EEF1AKMT2: variants seen among roughly 807,000 people sequenced by gnomAD.
The protein encoded by EEF1AKMT2 is eukaryotic translation elongation factor 1 alpha lysine methyltransferase 2.
Under a neutral mutation model 35.8 loss-of-function variants are expected in EEF1AKMT2, and 32 were observed. That is an observed-to-expected ratio of 0.89 (90% CI 0.67 to 1.20). The LOEUF is 1.20. Among genes scored for constraint, EEF1AKMT2 ranks in the 50% most tolerant of loss-of-function variants. The pLI is 0.00. For missense variants in EEF1AKMT2, 330 were observed against 347.5 expected (o/e 0.95, Z 0.40); for synonymous variants, 121 against 133.7 (o/e 0.91, Z 0.65).
chr10:124,762,199 T>C, intron 6 of EEF1AKMT2, 101 bp downstream of exon 6: 1 of 885,042 alleles, frequency 1.1e-6, no homozygotes, highest in Non-Finnish European at 1.4e-6. Flanking sequence ...TGTGATTTTG[T>C]AAAGATCCAA....
intron 3 of EEF1AKMT2, among the ~76,000 whole-genome samples, chr10:124,788,725 T>TAC (rs1186575417): frequency 1.4e-5 from 2 of 143,550 alleles, no homozygotes; most frequent in African/African-American, 5.0e-5. Flanking sequence ...TATATATATA[T>TAC]ATATGCATTT....
At position 124,759,291 on chromosome 10, in the gene EEF1AKMT2, T is replaced by G. The variant is rs994946727; in HGVS notation, c.*1212A>C. 1.3e-5 allele frequency: 2 copies of G among 152,214 alleles called. No homozygotes were observed. Among genetic ancestry groups the G allele is most frequent in the Non-Finnish European group, 2.9e-5 (2 of 68,044 alleles). 9.4% of individuals were successfully genotyped at this position (152,214 alleles called of 1,614,324 possible). ...TCTTTGTGCATGTATCGCTGAGGGC[T>G]TATATAACTTACACTACCCTTTCAC... is the stretch of plus-strand genomic sequence containing the variant. On this transcript the variant is annotated 3_prime_UTR_variant, in exon 7 of 7. Transcript: ENST00000368836.
chr10:124,791,887 C>A lies in EEF1AKMT2; in HGVS notation c.-54G>T. On this transcript the variant is annotated 5_prime_UTR_variant, in exon 1 of 7. Coordinates refer to ENST00000368836, the MANE Select transcript of EEF1AKMT2 (RefSeq NM_212554.4). ...GGCCGCCATAGAGACGGGGCACAGGCAGAGCGGACGAGCGGACCGGCGCCT... is the reference window on the plus strand; with the variant it reads ...GGCCGCCATAGAGACGGGGCACAGGAAGAGCGGACGAGCGGACCGGCGCCT... The A allele has an allele frequency of 6.6e-7, 1 of 1,510,758 alleles. No individual in the cohort carries two copies. Among genetic ancestry groups the A allele is most frequent in the South Asian group, 1.2e-5 (1 of 81,074 alleles). 93.6% of individuals were successfully genotyped at this position (1,510,758 alleles called of 1,614,324 possible). A position where few individuals can be genotyped will look rare whatever the true frequency, so the allele number is the denominator to read the frequency against.
intron 4 of EEF1AKMT2, 26 bp downstream of exon 4, chr10:124,774,649 A>G (rs972406090): frequency 1.7e-6 from 2 of 1,172,644 alleles, no homozygotes. Context: ...TATTGTAAAT[A>G]TTATAGTAAT....
intron 3 of EEF1AKMT2, among the ~76,000 whole-genome samples, chr10:124,781,506 C>T (rs1271595596): frequency 6.6e-6 from 1 of 150,770 alleles, no homozygotes; most frequent in Non-Finnish European, 1.5e-5. Flanking sequence ...TCGCTTGAAC[C>T]CAGGAGGCGA....
At chr10:124,785,895 C>CAAAAAAAAAAA (rs34637624) in intron 3 of EEF1AKMT2, among the ~76,000 whole-genome samples, 3 of 59,464 alleles carry the variant, frequency 5.0e-5, no homozygotes, top group Non-Finnish European at 8.8e-5. Flanking sequence ...GACTCTGTCT[C>CAAAAAAAAAAA]AAAAAAAAAA....
At chr10:124,770,545 T>G (rs4962402) in intron 4 of EEF1AKMT2, among the ~76,000 whole-genome samples, 112,368 of 152,120 alleles carry the variant, frequency 0.74, 41,690 homozygotes, top group South Asian at 0.85. Flanking sequence ...GATCAAGGTA[T>G]TGGTTGCTGA....
intron 4 of EEF1AKMT2, among the ~76,000 whole-genome samples, chr10:124,769,766 G>GT (rs1950412501): frequency 1.3e-5 from 2 of 148,898 alleles, no homozygotes; most frequent in South Asian, 4.3e-4. Flanking sequence ...GACCAACATA[G>GT]TGAAACCCCA....
chr10:124,788,737 T>C (rs1392919076), intron 3 of EEF1AKMT2, among the ~76,000 whole-genome samples: 1 of 147,064 alleles, frequency 6.8e-6, no homozygotes, highest in African/African-American at 2.5e-5. Flanking sequence ...TATGCATTTC[T>C]AGAGTTTTGA....
chr10:124,773,984 A>G (rs1950462700), intron 4 of EEF1AKMT2, among the ~76,000 whole-genome samples: 1 of 152,202 alleles, frequency 6.6e-6, no homozygotes, highest in South Asian at 2.1e-4. Context: ...CTAGAAATGT[A>G]AATTTAGGAA....
At chr10:124,784,476 C>T (rs1261998545) in intron 3 of EEF1AKMT2, among the ~76,000 whole-genome samples, 1 of 151,906 alleles carries the variant, frequency 6.6e-6, no homozygotes, top group Non-Finnish European at 1.5e-5. Flanking sequence ...TTGTGGGATG[C>T]AGCAGTGCTT....
intron 3 of EEF1AKMT2, among the ~76,000 whole-genome samples, chr10:124,784,061 T>C (rs1425466906): frequency 1.3e-5 from 2 of 152,244 alleles, no homozygotes; most frequent in East Asian, 3.9e-4. Context: ...TGACCTCAGG[T>C]GATCTGCCCA....
intron 3 of EEF1AKMT2, 23 bp from the exon 4 acceptor site, chr10:124,774,805 TTTAGTATA>T: frequency 1.8e-6 from 2 of 1,142,546 alleles, no homozygotes; most frequent in Non-Finnish European, 2.4e-6. Flanking sequence ...AATTTTATAC[TTTAGTATA>T]AAATTTTAAT....
rs1554920487 is a variant in EEF1AKMT2 at position 124,788,710 on chromosome 10, T to TTATATATATATATGTATA, written c.291+332_291+333insTATACATATATATATATA. ...CTACTGGAATTGCAAAAGGTCATCT[T>TTATATATATATATGTATA]TATATATATATATATATATGCATTT... On this transcript the variant is annotated intron_variant, in intron 3 of 6. Coordinates refer to ENST00000368836, the MANE Select transcript of EEF1AKMT2 (RefSeq NM_212554.4). 6.4e-4 allele frequency among the ~76,000 whole-genome samples: 59 copies of TTATATATATATATGTATA among 92,580 alleles called. 4 individuals are homozygous for TTATATATATATATGTATA. Among genetic ancestry groups the TTATATATATATATGTATA allele is most frequent in the African/African-American group, 1.9e-3 (56 of 29,730 alleles). The allele number at this position is 92,580 out of a possible 152,430, so 60.7% of individuals were successfully genotyped here. A position where few individuals can be genotyped will look rare whatever the true frequency, so the allele number is the denominator to read the frequency against.
intron 6 of EEF1AKMT2, among the ~76,000 whole-genome samples, chr10:124,762,060 T>A (rs1486936352): frequency 1.3e-5 from 2 of 152,194 alleles, no homozygotes; most frequent in African/African-American, 4.8e-5. Flanking sequence ...TGCTTTGAGC[T>A]CAAATAACTC....
At chr10:124,774,002 C>G (rs1950462902) in intron 4 of EEF1AKMT2, among the ~76,000 whole-genome samples, 1 of 152,192 alleles carries the variant, frequency 6.6e-6, no homozygotes, top group African/African-American at 2.4e-5. Context: ...GAATCATCAT[C>G]TCACAGATCA....
intron 4 of EEF1AKMT2, chr10:124,765,849 G>T: frequency 2.7e-6 from 1 of 376,190 alleles, no homozygotes; most frequent in Admixed American, 4.3e-5. Flanking sequence ...TACAAATTTG[G>T]AAACAAATCA....
At chr10:124,764,365 G>C (rs77131715) in intron 5 of EEF1AKMT2, among the ~76,000 whole-genome samples, 1 of 150,204 alleles carries the variant, frequency 6.7e-6, no homozygotes, top group East Asian at 1.9e-4. Context: ...GCAAATATCT[G>C]TAGATTCTCA....
At chr10:124,757,269 G>T (rs1950294255), downstream of EEF1AKMT2, among the ~76,000 whole-genome samples, 1 of 151,040 alleles carries the variant, frequency 6.6e-6, no homozygotes, top group Non-Finnish European at 1.5e-5. Context: ...AAAGCAGAGG[G>T]CTGTCCAGGA....
Sources: gnomAD v4.1 joint callset for allele counts (sites outside exome capture counted in the v4.1 genomes callset) on GRCh38, gnomAD v4.1.1 for gene constraint, MANE v1.5 for transcripts, NCBI Gene and HGNC (gene_info 2026-07-23, HGNC 2026-07-21) for gene names.